Variants in MBL2 observed in about 807,000 individuals in gnomAD.
MBL2 encodes the protein mannose-binding protein C.
MBL2 carries 6 observed loss-of-function variants against 12.7 expected under a neutral mutation model. That is an observed-to-expected ratio of 0.47 (90% CI 0.26 to 0.94). MBL2 has a LOEUF of 0.94. Ranked by LOEUF, MBL2 falls within the 40% of genes least tolerant of loss-of-function variation. The pLI, the probability that MBL2 is intolerant of heterozygous loss-of-function variation, is 0.15. For missense variants in MBL2, 307 were observed against 295.2 expected (o/e 1.04, Z -0.29); for synonymous variants, 114 against 112.0 (o/e 1.02, Z -0.11).
rs140526147 is a variant in MBL2, at chr10:52,769,261, G to T, written c.359C>A (p.Ala120Glu). The T allele has an allele frequency of 2.4e-5, 38 of 1,609,976 alleles. No individual in the cohort carries two copies. The highest frequency in any genetic ancestry group is 2.3e-4 in the African/African-American group (17 of 74,342). The change falls in exon 4 of 5, where the codon GCA (alanine) becomes GAA (glutamate). Residue 120 changes from alanine (A) to glutamate (E), a missense_variant. By Grantham distance (107) the Ala-to-Glu change is moderately radical (BLOSUM62 -1). Coordinates refer to ENST00000674931, the MANE Select transcript of MBL2 (RefSeq NM_001378373.1). ...AAAAAGCTTACACTTTTTGATACGT[G>T]CCATTTCTGTTTGCAGAGCTTTTCT... Reference protein sequence around the residue: ...SERKALQTEMARIKKWLTFSL... With the variant: ...SERKALQTEMERIKKWLTFSL...
At position 52,770,764 on chromosome 10, in the gene MBL2, C is replaced by T; in HGVS notation, c.210G>A (p.Gln70=). Residue 70 remains glutamine (Q), a synonymous_variant, in exon 3 of 5, where the codon CAG becomes CAA. Transcript: ENST00000674931. ...GEPGQGLRGL[Q]GPPGKLGPPG... ...GAGGCCCCAACTTTCCAGGGGGGCC[C>T]TGTAAGCCTCTGAGCCCTTGGCCTG... 1 of 1,500,102 alleles carries T rather than the reference C, an allele frequency of 6.7e-7. No homozygotes were observed. Among genetic ancestry groups the T allele is most frequent in the Non-Finnish European group, 8.9e-7 (1 of 1,118,580 alleles). The allele number at this position is 1,500,102 out of a possible 1,614,324, so 92.9% of individuals were successfully genotyped here.
In MBL2 at chr10:52,768,278, T is replaced by C. The variant is rs760730624; in HGVS notation, c.606A>G (p.Arg202=). ...EGQFVDLTGN[R]LTYTNWNEGE... ...CCTCGTTCCAGTTTGTGTAGGTCAG[T>C]CTATTTCCTGTCAGATCCACAAACT... Residue 202 remains arginine (R), a synonymous_variant, in exon 5 of 5, where the codon AGA becomes AGG. Transcript: ENST00000674931. The C allele has an allele frequency of 3.1e-6, 5 of 1,613,658 alleles. No individual in the cohort carries two copies. The African/African-American group carries it at 4.0e-5, about 13-fold the overall frequency.
intron 2 of MBL2, 61 bp downstream of exon 2, chr10:52,771,388 T>A (rs1284771400): frequency 1.5e-5 from 24 of 1,581,132 alleles, no homozygotes; most frequent in Admixed American, 3.4e-5. Flanking sequence ...TCTCCTCATA[T>A]CCCCAGGCAG....
chr10:52,768,551 GC>G, intron 4 of MBL2, 41 bp from the exon 5 acceptor site: 3 of 1,433,338 alleles, frequency 2.1e-6, no homozygotes, highest in Non-Finnish European at 1.9e-6. Context: ...TCATCCTTAA[GC>G]CCAACTCAAG....
intron 2 of MBL2, 128 bp downstream of exon 2, chr10:52,771,321 A>G: frequency 9.5e-7 from 1 of 1,051,910 alleles, no homozygotes; most frequent in Non-Finnish European, 1.4e-6. Flanking sequence ...ATGAGAGCTG[A>G]ATCTCTGTTT....
At chr10:52,772,308 T>G (rs1840407227) in intron 1 of MBL2, among the ~76,000 whole-genome samples, 1 of 152,206 alleles carries the variant, frequency 6.6e-6, no homozygotes, top group Non-Finnish European at 1.5e-5. Context: ...ACGTTGGCCC[T>G]GGCAGAGTGC....
chr10:52,769,386 TG>T, intron 3 of MBL2, 71 bp from the exon 4 acceptor site: 1 of 787,604 alleles, frequency 1.3e-6, no homozygotes, highest in Non-Finnish European at 2.0e-6. Context: ...TACAAGGGAG[TG>T]GAGTATCTTT....
At position 52,768,118 on chromosome 10, in the gene MBL2, G is replaced by T; in HGVS notation, c.*19C>A. 2.5e-6 allele frequency: 4 copies of T among 1,575,764 alleles called. No homozygotes were observed. The highest frequency in any genetic ancestry group is 2.4e-5 in the South Asian group (2 of 83,498). On this transcript the variant is annotated 3_prime_UTR_variant, in exon 5 of 5. Coordinates refer to ENST00000674931, the MANE Select transcript of MBL2 (RefSeq NM_001378373.1). ...GGGTTGCAGTAAAAAGACAAGGAGG[G>T]CCTGAGTGATATGACCCTTCAGATA...
In MBL2 at chr10:52,771,485, C is replaced by T. The variant is rs959547616; in HGVS notation, c.151G>A (p.Gly51Arg). 1 of 1,613,792 alleles carries T rather than the reference C, an allele frequency of 6.2e-7. No individual in the cohort carries two copies. Among genetic ancestry groups the T allele is most frequent in the African/African-American group, 1.3e-5 (1 of 74,916 alleles). The change falls in exon 2 of 5, where the codon GGG becomes AGG. Residue 51 changes from glycine to arginine, a missense_variant. By Grantham distance (125) the Gly-to-Arg change is moderately radical. Transcript: ENST00000674931. ...PGINGFPGKDGRDGTKGEKGE... is the reference protein window; with the variant it reads ...PGINGFPGKDRRDGTKGEKGE... ...TTTTCTCCCTTGGTGCCATCACGCCCATCTTTGCCTGGGAAGCCGTTGATG... is the reference window on the plus strand; with the variant it reads ...TTTTCTCCCTTGGTGCCATCACGCCTATCTTTGCCTGGGAAGCCGTTGATG...
Position 52,767,221 on chromosome 10 carries a change from G to T in MBL2, c.*916C>A, listed in dbSNP as rs1840318917. The T allele has an allele frequency of 1.3e-5, 2 of 151,892 alleles. No homozygotes were observed. The highest frequency in any genetic ancestry group is 2.9e-5 in the Non-Finnish European group (2 of 68,012). 9.4% of individuals were successfully genotyped at this position (151,892 alleles called of 1,614,324 possible). On this transcript the variant is annotated 3_prime_UTR_variant, in exon 5 of 5. Transcript: ENST00000674931. The stretch of plus-strand genomic sequence containing the variant: ...ATGTTCGTGGGTTCTCTTCCTCATG[G>T]CCAAAAATTGGAAGCCACTTAAGTG...
intron 3 of MBL2, 24 bp from the exon 4 acceptor site, chr10:52,769,339 GA>G (rs1564435826): frequency 6.5e-7 from 1 of 1,532,614 alleles, no homozygotes; most frequent in African/African-American, 1.4e-5. Flanking sequence ...ACAAAGTAAA[GA>G]AGCATTGTTG....
chr10:52,765,542 A>T lies in MBL2; in HGVS notation c.*2595T>A, dbSNP rs1264164195. On this transcript the variant is annotated 3_prime_UTR_variant, in exon 5 of 5. Transcript: ENST00000674931. ...ATATAGTATCCTGATACTTTACTAC[A>T]CACTTTAAAGGTGTTAACTTATTTC... 6.6e-6 allele frequency: 1 copy of T among 152,162 alleles called. No individual in the cohort carries two copies. Among genetic ancestry groups the T allele is most frequent in the East Asian group, 1.9e-4 (1 of 5,200 alleles). 9.4% of individuals were successfully genotyped at this position (152,162 alleles called of 1,614,324 possible). A position where few individuals can be genotyped will look rare whatever the true frequency, so the allele number is the denominator to read the frequency against.
rs1589869928 is a variant in MBL2, at chr10:52,767,823, C to T, written c.*314G>A. 1 of 205,694 alleles carries T rather than the reference C, an allele frequency of 4.9e-6. No homozygotes were observed. The highest frequency in any genetic ancestry group is 1.1e-4 in the East Asian group (1 of 9,234). The allele number at this position is 205,694 out of a possible 1,614,324, so 12.7% of individuals were successfully genotyped here. ...TGGAAAAATAAATCCGTCTTATTTTCATACTGCAGCAAGTTAACACTATCG... is the reference window on the plus strand; with the variant it reads ...TGGAAAAATAAATCCGTCTTATTTTTATACTGCAGCAAGTTAACACTATCG... On this transcript the variant is annotated 3_prime_UTR_variant, in exon 5 of 5. Coordinates refer to ENST00000674931, the MANE Select transcript of MBL2 (RefSeq NM_001378373.1).
intron 4 of MBL2, among the ~76,000 whole-genome samples, 183 bp from the exon 5 acceptor site, chr10:52,768,693 T>C (rs555345054): frequency 1.3e-5 from 2 of 152,210 alleles, no homozygotes; most frequent in Admixed American, 6.5e-5. Context: ...GACACACTTA[T>C]ACTAAAAATG....
In MBL2 at chr10:52,768,347, C is replaced by G; in HGVS notation, c.537G>C (p.Lys179Asn). Residue 179 changes from lysine to asparagine, a missense_variant, in exon 5 of 5, where the codon AAG becomes AAC. Physicochemically the swap from Lys to Asn is moderately conservative, Grantham distance 94. Transcript: ENST00000674931. ...AENGAIQNLI[K>N]EEAFLGITDE... ...CAGTGATGCCCAGGAAGGCTTCCTC[C>G]TTGATGAGATTCTGAATGGCTCCAT... 1 of 1,613,862 alleles carries G rather than the reference C, an allele frequency of 6.2e-7. No homozygotes were observed. The highest frequency in any genetic ancestry group is 8.5e-7 in the Non-Finnish European group (1 of 1,179,986).
At chr10:52,771,403 C>T in intron 2 of MBL2, 46 bp downstream of exon 2, 2 of 1,599,614 alleles carry the variant, frequency 1.3e-6, no homozygotes, top group East Asian at 2.2e-5. Context: ...AGGCAGTTTC[C>T]TCTGGAAGGT....
In MBL2 at chr10:52,766,602, T is replaced by G. The variant is rs182107601; in HGVS notation, c.*1535A>C. 6.6e-6 allele frequency: 1 copy of G among 152,230 alleles called. No homozygotes were observed. The highest frequency in any genetic ancestry group is 1.9e-4 in the East Asian group (1 of 5,186). The allele number at this position is 152,230 out of a possible 1,614,324, so 9.4% of individuals were successfully genotyped here. On this transcript the variant is annotated 3_prime_UTR_variant, in exon 5 of 5. Transcript: ENST00000674931. Reference sequence around the variant, plus strand: ...AATCATGAAAAATATCTTATGATTTTGGGATGGGCAAAAATTTCTTAAACA... The same window carrying G: ...AATCATGAAAAATATCTTATGATTTGGGGATGGGCAAAAATTTCTTAAACA...
rs1443657969 is a variant in MBL2 at position 52,768,466 on chromosome 10, G to A, written c.418C>T (p.Leu140=). Residue 140 remains leucine (L), a synonymous_variant, in exon 5 of 5, where the codon CTG becomes TTG. Coordinates refer to ENST00000674931, the MANE Select transcript of MBL2 (RefSeq NM_001378373.1). ...LGKQVGNKFF[L]TNGEIMTFEK... ...AAGGTCATTATTTCACCATTGGTCA[G>A]GAAGAACTTGTTCCCAACTTGTTTG... The A allele has an allele frequency of 1.3e-6, 2 of 1,597,282 alleles. No homozygotes were observed. Among genetic ancestry groups the A allele is most frequent in the Non-Finnish European group, 1.7e-6 (2 of 1,173,350 alleles).
At chr10:52,771,668 A>C in intron 1 of MBL2, 24 bp from the exon 2 acceptor site, 1 of 1,603,184 alleles carries the variant, frequency 6.2e-7, no homozygotes, top group Non-Finnish European at 8.5e-7. Flanking sequence ...AACTCAGGGA[A>C]GGTTAATCTC....
Sources: allele counts gnomAD v4.1 joint callset (sites outside exome capture counted in the v4.1 genomes callset), GRCh38; gene constraint gnomAD v4.1.1; transcripts MANE v1.5; gene names NCBI Gene and HGNC (gene_info 2026-07-23, HGNC 2026-07-21).